The following EBF4 variants were observed in gnomAD, a reference collection of about 807,000 sequenced individuals.
The protein encoded by EBF4 is EBF transcription factor 4.
In EBF4, 34 loss-of-function variants were observed where a neutral mutation model predicts 67.1. The ratio of observed to expected loss-of-function variants is 0.51; its 90% CI spans 0.39 to 0.67. The LOEUF (loss-of-function observed/expected upper bound fraction) is 0.67. EBF4 is among the 30% of genes least tolerant of loss of function. The probability of loss-of-function intolerance (pLI) is 0.00; values close to 1 mark genes in which losing one functional copy is unlikely to be tolerated. For missense variants in EBF4, 837 were observed against 873.3 expected, an observed-to-expected ratio of 0.96 and a Z score of 0.52; for synonymous variants, 387 against 377.7, an observed-to-expected ratio of 1.02 and a Z score of -0.29.
rs1180474100 is a variant in EBF4 at position 2,707,846 on chromosome 20, C to T, written c.415-101C>T. 1.6e-6 allele frequency: 2 copies of T among 1,218,500 alleles called. No individual in the cohort carries two copies. Among genetic ancestry groups the T allele is most frequent in the African/African-American group, 3.1e-5 (2 of 65,250 alleles). 75.5% of individuals were successfully genotyped at this position (1,218,500 alleles called of 1,614,324 possible). ...CGTGCTCTTCCCTGGGGCAGGGTCT[C>T]CCTGGGCCTAGGCTTGGGAGATGCC... On this transcript the variant is annotated intron_variant, in intron 4 of 16. Coordinates refer to ENST00000609451, the Ensembl canonical transcript of EBF4. This position sits in a 1 kb window ranked among gnomAD's most constrained non-coding sequence, Gnocchi z 4.6.
chr20:2,750,932 C>A (rs2088134819), intron 10 of EBF4, among the ~76,000 whole-genome samples: 1 of 152,130 alleles, frequency 6.6e-6, no homozygotes, highest in Admixed American at 6.5e-5. Flanking sequence ...TAAAGGAAAT[C>A]CACTAAGTCA....
chr20:2,705,954 C>T lies in EBF4; in HGVS notation c.295-20C>T, dbSNP rs1187861568. ...GAGGATCCCTGAGCACCCGAGCATC[C>T]TCCCATCTTGTCCCTGCAGGAGCCC... On this transcript the variant is annotated intron_variant, in intron 2 of 16. Transcript: ENST00000609451. 1 of 1,550,268 alleles carries T rather than the reference C, an allele frequency of 6.5e-7. No individual in the cohort carries two copies. Among genetic ancestry groups the T allele is most frequent in the Non-Finnish European group, 8.7e-7 (1 of 1,146,236 alleles).
At chr20:2,706,898 G>A (rs993505483) in intron 4 of EBF4, among the ~76,000 whole-genome samples, 2 of 152,226 alleles carry the variant, frequency 1.3e-5, no homozygotes, top group African/African-American at 2.4e-5. Context: ...CTGATGTGAC[G>A]GTTACGGGAA....
chr20:2,730,930 C>T (rs1232196190), intron 6 of EBF4, among the ~76,000 whole-genome samples: 5 of 152,162 alleles, frequency 3.3e-5, no homozygotes, highest in Non-Finnish European at 7.3e-5. Flanking sequence ...GATGGAGTCT[C>T]GCTCCATCAC....
At chr20:2,729,439 G>A (rs2087785822) in intron 6 of EBF4, among the ~76,000 whole-genome samples, 2 of 152,216 alleles carry the variant, frequency 1.3e-5, no homozygotes, top group Admixed American at 1.3e-4. Context: ...TCACAAGTAT[G>A]AATTTAGTAT....
rs1033445679 is a variant in EBF4, at chr20:2,696,650, C to T, written c.137+2868C>T. 2.6e-5 allele frequency among the ~76,000 whole-genome samples: 4 copies of T among 152,108 alleles called. No homozygotes were observed. The highest frequency in any genetic ancestry group is 9.7e-5 in the African/African-American group (4 of 41,434). On this transcript the variant is annotated intron_variant, in intron 1 of 16. Transcript: ENST00000609451. The surrounding 1 kb of genome is among the most constrained non-coding windows in gnomAD (Gnocchi z 4.7). ...CAGTGGATACTTGGAGAATTAGCTG[C>T]GCCTCCAGTAAGTGCTATGGTCTAT...
rs906795348 is a variant in EBF4 at position 2,707,357 on chromosome 20, A to C, written c.415-590A>C. On this transcript the variant is annotated intron_variant, in intron 4 of 16. Transcript: ENST00000609451. This position sits in a 1 kb window ranked among gnomAD's most constrained non-coding sequence, Gnocchi z 4.6. ...GGAAGCTCACTTCTTGCTTCTGGGCAGAGGGAGGCTGGAAGACTGGTGAGG... is the reference window on the plus strand; with the variant it reads ...GGAAGCTCACTTCTTGCTTCTGGGCCGAGGGAGGCTGGAAGACTGGTGAGG... 6.6e-6 allele frequency among the ~76,000 whole-genome samples: 1 copy of C among 152,140 alleles called. No individual in the cohort carries two copies. Among genetic ancestry groups the C allele is most frequent in the Non-Finnish European group, 1.5e-5 (1 of 68,016 alleles).
chr20:2,727,699 G>C (rs1426088512), intron 6 of EBF4, among the ~76,000 whole-genome samples: 2 of 152,080 alleles, frequency 1.3e-5, no homozygotes, highest in Non-Finnish European at 2.9e-5. Flanking sequence ...CACCAACAAA[G>C]TTTCCAGTTT....
intron 6 of EBF4, among the ~76,000 whole-genome samples, chr20:2,724,757 A>G (rs953264148): frequency 2.6e-5 from 4 of 152,162 alleles, no homozygotes; most frequent in African/African-American, 9.7e-5. Flanking sequence ...TTAAAAAATT[A>G]GCCATGTGTT....
chr20:2,743,880 C>G (rs1334248931), intron 6 of EBF4, among the ~76,000 whole-genome samples: 1 of 152,002 alleles, frequency 6.6e-6, no homozygotes, highest in African/African-American at 2.4e-5. Context: ...TTTAGGGTGT[C>G]CATCACACAG....
chr20:2,758,695 G>A (rs765670957), intron 15 of EBF4: 51 of 590,166 alleles, frequency 8.6e-5, no homozygotes, highest in African/African-American at 8.4e-4. Flanking sequence ...CTTGAGGGAG[G>A]TAGGGAGCAA....
At chr20:2,754,417 G>A (rs1014046070) in intron 14 of EBF4, among the ~76,000 whole-genome samples, 5 of 152,160 alleles carry the variant, frequency 3.3e-5, no homozygotes, top group Non-Finnish European at 7.4e-5. Flanking sequence ...AAATGTGGCC[G>A]TGAGCCCTGG....
chr20:2,743,699 T>A (rs1333550954), intron 6 of EBF4, among the ~76,000 whole-genome samples: 1 of 152,168 alleles, frequency 6.6e-6, no homozygotes, highest in East Asian at 1.9e-4. Flanking sequence ...CTAGTTAATG[T>A]CCATAGGACA....
Position 2,755,449 on chromosome 20 carries a change from C to A in EBF4, c.1541-178C>A, listed in dbSNP as rs543088648. 3.4e-6 allele frequency: 2 copies of A among 590,600 alleles called. No homozygotes were observed. Among genetic ancestry groups the A allele is most frequent in the Non-Finnish European group, 3.0e-6 (1 of 331,098 alleles). The allele number at this position is 590,600 out of a possible 1,614,324, so 36.6% of individuals were successfully genotyped here. On this transcript the variant is annotated intron_variant, in intron 14 of 16. Coordinates refer to ENST00000609451, the Ensembl canonical transcript of EBF4. This position sits in a 1 kb window ranked among gnomAD's most constrained non-coding sequence, Gnocchi z 4.7. ...AGCCCCGAGAAAAGGTCTCCAGAAC[C>A]GCTGAGAGGTCAGGGCTGGCCCAGG...
Position 2,759,347 on chromosome 20 carries a change from G to C in EBF4, c.*85G>C, listed in dbSNP as rs2088291651. The C allele has an allele frequency of 1.7e-5, 5 of 298,404 alleles. No individual in the cohort carries two copies. In the South Asian group the frequency reaches 2.4e-4, roughly 14 times the overall value. The allele number at this position is 298,404 out of a possible 1,614,324, so 18.5% of individuals were successfully genotyped here. A position where few individuals can be genotyped will look rare whatever the true frequency, so the allele number is the denominator to read the frequency against. On this transcript the variant is annotated 3_prime_UTR_variant, in exon 17 of 17. Coordinates refer to ENST00000609451, the Ensembl canonical transcript of EBF4. ...CACACCCCGGATGGTGGCACAGACAGATGCAGGGCCAGGGCCATGGGCGGA... is the reference window on the plus strand; with the variant it reads ...CACACCCCGGATGGTGGCACAGACACATGCAGGGCCAGGGCCATGGGCGGA...
chr20:2,724,573 T>A (rs1429381362), intron 6 of EBF4, among the ~76,000 whole-genome samples: 1 of 152,250 alleles, frequency 6.6e-6, no homozygotes, highest in Non-Finnish European at 1.5e-5. Context: ...AGTTATTTTT[T>A]ACTTAGTACT....
chr20:2,758,858 G>C lies in EBF4; in HGVS notation c.1739-51G>C, dbSNP rs141121774. ...CAGCCCAGAGAGTGACAGGCAGGTG[G>C]CTTCCCAGGTGGCACATGGCTTATG... On this transcript the variant is annotated intron_variant, in intron 15 of 16. Transcript: ENST00000609451. 2,553 of 1,504,360 alleles carry C rather than the reference G, an allele frequency of 1.7e-3. 30 individuals are homozygous for C. The African/African-American group carries it at 0.028, about 16-fold the overall frequency. The allele number at this position is 1,504,360 out of a possible 1,614,324, so 93.2% of individuals were successfully genotyped here. A position where few individuals can be genotyped will look rare whatever the true frequency, so the allele number is the denominator to read the frequency against.
chr20:2,743,315 T>G (rs966160602), intron 6 of EBF4, among the ~76,000 whole-genome samples: 3 of 152,200 alleles, frequency 2.0e-5, no homozygotes, highest in Non-Finnish European at 4.4e-5. Flanking sequence ...GGGTCGGCAG[T>G]CTCTCTAGGT....
exon 16 of EBF4, chr20:2,758,931 C>T (rs1175801189): frequency 1.3e-6 from 2 of 1,551,818 alleles, no homozygotes; most frequent in Non-Finnish European, 1.7e-6. Context: ...AGGATTCTGA[C>T]AAGTTTCACT....
Sources: gnomAD v4.1 joint callset for allele counts (sites outside exome capture counted in the v4.1 genomes callset) on GRCh38, gnomAD v4.1.1 for gene constraint, Gnocchi (gnomAD v3.1) non-coding constraint, MANE v1.5 for transcripts, NCBI Gene and HGNC (gene_info 2026-07-23, HGNC 2026-07-21) for gene names.